The following TP53BP1 variants were observed in gnomAD, a reference collection of about 807,000 sequenced individuals.
TP53BP1 encodes the protein tumor protein p53 binding protein 1.
Under a neutral mutation model 200.8 loss-of-function variants are expected in TP53BP1, and 61 were observed. The observed-to-expected ratio is 0.30, with a 90% CI of 0.25 to 0.38. TP53BP1 has a LOEUF of 0.38. Among genes scored for constraint, TP53BP1 ranks in the 10% least tolerant of loss-of-function variants. TP53BP1 has a pLI of 1.00. For synonymous variants in TP53BP1, 822 were observed against 844.3 expected (o/e 0.97, Z 0.46); for missense variants, 2,144 against 2,371.9 (o/e 0.90, Z 2.00).
chr15:43,452,092 G>A (rs1266856648), intron 12 of TP53BP1, among the ~76,000 whole-genome samples: 1 of 152,202 alleles, frequency 6.6e-6, no homozygotes, highest in East Asian at 1.9e-4. Flanking sequence ...CCGAGATCAT[G>A]TCACTGCACT....
At chr15:43,420,274 A>T in intron 21 of TP53BP1, 31 bp downstream of exon 21, 2 of 1,595,794 alleles carry the variant, frequency 1.3e-6, no homozygotes, top group Non-Finnish European at 1.7e-6. Context: ...AGGCACAAAA[A>T]AATCTCTACA....
chr15:43,415,650 G>T lies in TP53BP1; in HGVS notation c.5033C>A (p.Ser1678Tyr), dbSNP rs768636864. 6.2e-7 allele frequency: 1 copy of T among 1,614,224 alleles called. No homozygotes were observed. Among genetic ancestry groups the T allele is most frequent in the African/African-American group, 1.3e-5 (1 of 75,052 alleles). The change falls in exon 23 of 28, where the codon TCT becomes TAT. Residue 1678 changes from serine (S) to tyrosine (Y), a missense_variant. Coordinates refer to ENST00000382044, the MANE Select transcript of TP53BP1 (RefSeq NM_001141980.3). Reference protein sequence around the residue: ...VLSGKRKLITSEEERSPAKRG... With the variant: ...VLSGKRKLITYEEERSPAKRG... ...CTTGGCAGGGGACCGTTCCTCTTCA[G>T]AAGTGATAAGTTTTCTTTTGCCTGA...
In TP53BP1 at chr15:43,416,259, T is replaced by C. The variant is rs781303559; in HGVS notation, c.4839A>G (p.Val1613=). The change falls in exon 22 of 28, where the codon GTA becomes GTG. Residue 1613 remains valine, a synonymous_variant. Transcript: ENST00000382044. ...TATCTGCTGCCTTTGTAAGAGGTGTTACTGCTTCATAGGGGCCAAGCCCAT... is the reference window on the plus strand; with the variant it reads ...TATCTGCTGCCTTTGTAAGAGGTGTCACTGCTTCATAGGGGCCAAGCCCAT... ...EQYGLGPYEA[V]TPLTKAADIS... The C allele has an allele frequency of 4.3e-6, 7 of 1,614,076 alleles. No individual in the cohort carries two copies. Among genetic ancestry groups the C allele is most frequent in the South Asian group, 1.1e-5 (1 of 91,076 alleles).
intron 12 of TP53BP1, among the ~76,000 whole-genome samples, chr15:43,454,424 C>T (rs919650655): frequency 2.6e-5 from 4 of 151,374 alleles, no homozygotes; most frequent in African/African-American, 9.7e-5. Context: ...AGTGCAATGG[C>T]GCAATCTCAG....
chr15:43,450,797 C>T (rs2046148100), intron 12 of TP53BP1, among the ~76,000 whole-genome samples: 1 of 152,128 alleles, frequency 6.6e-6, no homozygotes, highest in South Asian at 2.1e-4. Context: ...TTCCAACTCC[C>T]TCTCTCCCCA....
chr15:43,423,037 G>C (rs2045441860), intron 18 of TP53BP1, among the ~76,000 whole-genome samples: 1 of 149,320 alleles, frequency 6.7e-6, no homozygotes, highest in African/African-American at 2.5e-5. Flanking sequence ...ATTACCATTT[G>C]GAAAAATGAA....
At chr15:43,441,925 A>AT in intron 14 of TP53BP1, among the ~76,000 whole-genome samples, 1 of 150,940 alleles carries the variant, frequency 6.6e-6, no homozygotes, top group East Asian at 2.0e-4. Flanking sequence ...AATTTTTTGT[A>AT]TTTTTTAGGA....
chr15:43,479,433 A>G lies in TP53BP1; in HGVS notation c.752T>C (p.Val251Ala). Residue 251 changes from valine (V) to alanine (A), a missense_variant, in exon 7 of 28, where the codon GTA becomes GCA. Coordinates refer to ENST00000382044, the MANE Select transcript of TP53BP1 (RefSeq NM_001141980.3). ...IPVTAQPSKD[V>A]HVVKEQNPPP... ...TGGATTTTGCTCTTTTACAACATGT[A>G]CATCCTTACTGGGCTGTGCTGTCAC... 6.2e-7 allele frequency: 1 copy of G among 1,612,040 alleles called. No individual in the cohort carries two copies. The highest frequency in any genetic ancestry group is 8.5e-7 in the Non-Finnish European group (1 of 1,179,176).
chr15:43,404,717 T>C lies in TP53BP1; in HGVS notation c.*2666A>G, dbSNP rs1393679464. On this transcript the variant is annotated 3_prime_UTR_variant, in exon 28 of 28. Transcript: ENST00000382044. ...CTTTAATAATTTTAATGGAGGTTAT[T>C]TTCTAGTAGAAGTCATCATCATCAT... 2.7e-6 allele frequency: 2 copies of C among 740,236 alleles called. No homozygotes were observed. Among genetic ancestry groups the C allele is most frequent in the African/African-American group, 3.5e-5 (2 of 56,384 alleles). 45.9% of individuals were successfully genotyped at this position (740,236 alleles called of 1,614,324 possible).
At chr15:43,495,103 C>T (rs139796847), upstream of TP53BP1, among the ~76,000 whole-genome samples, 4 of 149,154 alleles carry the variant, frequency 2.7e-5, no homozygotes, top group Non-Finnish European at 4.5e-5. Flanking sequence ...GAGGTGAGAG[C>T]ATCTCCTGAA....
intron 12 of TP53BP1, among the ~76,000 whole-genome samples, chr15:43,452,659 C>G (rs2046198586): frequency 6.6e-6 from 1 of 152,138 alleles, no homozygotes; most frequent in Non-Finnish European, 1.5e-5. Context: ...CTCATAAATA[C>G]TATTTTCCAA....
chr15:43,413,330 T>C lies in TP53BP1; in HGVS notation c.5094A>G (p.Ala1698=). Residue 1698 remains alanine, a synonymous_variant, in exon 24 of 28, where the codon GCA becomes GCG. Coordinates refer to ENST00000382044, the MANE Select transcript of TP53BP1 (RefSeq NM_001141980.3). ...GRKSATVKPG[A]VGAGEFVSPC... ...GGCTCACAAACTCTCCTGCCCCTAC[T>C]GCACCTGGGAAGGACAGGGGCACAG... is the stretch of plus-strand genomic sequence containing the variant. 1.2e-6 allele frequency: 2 copies of C among 1,613,544 alleles called. No individual in the cohort carries two copies. Among genetic ancestry groups the C allele is most frequent in the South Asian group, 2.2e-5 (2 of 90,976 alleles).
At chr15:43,441,348 G>A (rs2045921496) in intron 15 of TP53BP1, 178 bp downstream of exon 15, 2 of 503,600 alleles carry the variant, frequency 4.0e-6, no homozygotes, top group African/African-American at 3.9e-5. Flanking sequence ...AAGCTTCACT[G>A]AACTTAAAAA....
chr15:43,487,917 A>G (rs1231420461), intron 4 of TP53BP1, among the ~76,000 whole-genome samples: 3 of 152,238 alleles, frequency 2.0e-5, no homozygotes, highest in Non-Finnish European at 4.4e-5. Context: ...TGGTACATCC[A>G]CGGCATGGAA....
chr15:43,480,819 G>A (rs1311826626), intron 5 of TP53BP1, 76 bp downstream of exon 5: 2 of 1,501,144 alleles, frequency 1.3e-6, no homozygotes, highest in Non-Finnish European at 1.8e-6. Context: ...ATAAAGAGGA[G>A]AAATTTAGAC....
rs1341346737 is a variant in TP53BP1 at position 43,409,443 on chromosome 15, A to G, written c.5400+204T>C. ...TTGTCCCAGCAACAGAACCATAGCC[A>G]TTAACTAACCCAAGGTCCTACCTTC... On this transcript the variant is annotated intron_variant, in intron 25 of 27. Coordinates refer to ENST00000382044, the MANE Select transcript of TP53BP1 (RefSeq NM_001141980.3). The G allele has an allele frequency of 1.3e-5, 7 of 536,952 alleles. No homozygotes were observed. The East Asian group carries it at 2.0e-4, about 16-fold the overall frequency. The allele number at this position is 536,952 out of a possible 1,614,324, so 33.3% of individuals were successfully genotyped here.
chr15:43,446,266 G>T, intron 14 of TP53BP1, 121 bp downstream of exon 14: 1 of 776,528 alleles, frequency 1.3e-6, no homozygotes, highest in Non-Finnish European at 2.0e-6. Context: ...AAATCTATGA[G>T]TGTAAGACTT....
intron 24 of TP53BP1, among the ~76,000 whole-genome samples, chr15:43,411,096 T>TC (rs2045103800): frequency 6.6e-6 from 1 of 152,364 alleles, no homozygotes; most frequent in African/African-American, 2.4e-5. Flanking sequence ...TCAAGACTTC[T>TC]ACTTTATGTC....
rs561505748 is a variant in TP53BP1 at position 43,455,518 on chromosome 15, G to A, written c.2716+374C>T. Among the ~76,000 whole-genome samples the A allele has an allele frequency of 4.6e-5, 7 of 152,196 alleles. No homozygotes were observed. The East Asian group carries it at 7.7e-4, about 17-fold the overall frequency. On this transcript the variant is annotated intron_variant, in intron 12 of 27. Transcript: ENST00000382044. The stretch of plus-strand genomic sequence containing the variant: ...GGTAGATCACTTGAGTCAGGAGTTC[G>A]AGACTAGCCTGGCTAACATGGTGAA...
Sources: gnomAD v4.1 joint callset for allele counts (sites outside exome capture counted in the v4.1 genomes callset) on GRCh38, gnomAD v4.1.1 for gene constraint, MANE v1.5 for transcripts, NCBI Gene and HGNC (gene_info 2026-07-23, HGNC 2026-07-21) for gene names.